The following NRXN1 variants were observed in gnomAD, a reference collection of about 807,000 sequenced individuals.
NRXN1 encodes neurexin-1.
Under a neutral mutation model 150.9 loss-of-function variants are expected in NRXN1, and 39 were observed. The ratio of observed to expected loss-of-function variants is 0.26; its 90% confidence interval spans 0.20 to 0.34. The LOEUF is 0.34. NRXN1 is among the 10% of genes least tolerant of loss of function. The pLI is 1.00. For synonymous variants in NRXN1, 924 were observed against 757.0 expected, an observed-to-expected ratio of 1.22 and a Z score of -3.62; for missense variants, 1,815 against 1,949.9, an observed-to-expected ratio of 0.93 and a Z score of 1.30.
intron 2 of NRXN1, among the ~76,000 whole-genome samples, chr2:51,022,847 G>A (rs566123465): frequency 6.6e-6 from 1 of 152,152 alleles, no homozygotes; most frequent in Admixed American, 6.5e-5. Flanking sequence ...ACATGTACTT[G>A]GGGGTATACT....
At chr2:50,385,399 T>C (rs1397774711) in intron 17 of NRXN1, among the ~76,000 whole-genome samples, 1 of 152,192 alleles carries the variant, frequency 6.6e-6, no homozygotes, top group Admixed American at 6.5e-5. Context: ...CTCAAATGAC[T>C]TCCTTAATTC....
intron 17 of NRXN1, among the ~76,000 whole-genome samples, chr2:50,398,777 T>C (rs1485906883): frequency 6.6e-6 from 1 of 152,108 alleles, no homozygotes; most frequent in African/African-American, 2.4e-5. Context: ...CCTCATGTGT[T>C]TTCTATTGTC....
chr2:50,364,659 A>T (rs1427185678), intron 17 of NRXN1, among the ~76,000 whole-genome samples: 3 of 152,012 alleles, frequency 2.0e-5, no homozygotes, highest in Non-Finnish European at 4.4e-5. Context: ...TGCTCCTTTC[A>T]ACTATTATTT....
chr2:50,335,726 C>T (rs1225572921), intron 17 of NRXN1, among the ~76,000 whole-genome samples: 3 of 152,144 alleles, frequency 2.0e-5, no homozygotes, highest in Non-Finnish European at 4.4e-5. Context: ...TTGTTAACAT[C>T]GTGTTGTCCT....
At chr2:50,278,270 ATGTAT>A (rs1558437200) in intron 17 of NRXN1, among the ~76,000 whole-genome samples, 3 of 88,092 alleles carry the variant, frequency 3.4e-5, no homozygotes, top group East Asian at 2.4e-4. Flanking sequence ...TATATTATAT[ATGTAT>A]TATATATATA....
intron 5 of NRXN1, among the ~76,000 whole-genome samples, chr2:50,735,048 G>A (rs1319000779): frequency 6.6e-6 from 1 of 152,064 alleles, no homozygotes; most frequent in Non-Finnish European, 1.5e-5. Flanking sequence ...ATCTCCACTT[G>A]GCTGTTAGAG....
chr2:49,968,716 T>C (rs1165249557), intron 21 of NRXN1, among the ~76,000 whole-genome samples: 1 of 152,066 alleles, frequency 6.6e-6, no homozygotes, highest in Non-Finnish European at 1.5e-5. Flanking sequence ...CACATTAAAC[T>C]CTCCTTTCTC....
chr2:50,318,836 T>C (rs2075811074), intron 17 of NRXN1, among the ~76,000 whole-genome samples: 1 of 152,106 alleles, frequency 6.6e-6, no homozygotes, highest in South Asian at 2.1e-4. Context: ...AAGAGGGGCA[T>C]ACACAGTGCT....
chr2:50,107,537 A>ATT (rs1362667904), intron 18 of NRXN1, among the ~76,000 whole-genome samples: 1 of 122,136 alleles, frequency 8.2e-6, no homozygotes, highest in African/African-American at 3.1e-5. Flanking sequence ...ATATATATAT[A>ATT]TATTTTTTTT....
chr2:50,830,967 C>T (rs976492566), intron 5 of NRXN1, among the ~76,000 whole-genome samples: 1 of 151,894 alleles, frequency 6.6e-6, no homozygotes, highest in Non-Finnish European at 1.5e-5. Context: ...TTTTTGTGGG[C>T]ATATAGTAGG....
intron 8 of NRXN1, among the ~76,000 whole-genome samples, chr2:50,573,741 A>AG (rs1670998291): frequency 8.4e-6 from 1 of 119,264 alleles, no homozygotes; most frequent in Non-Finnish European, 1.8e-5. Context: ...AAGATATTTG[A>AG]AAATAATAAT....
At chr2:50,213,543 C>T (rs1418532974) in intron 18 of NRXN1, among the ~76,000 whole-genome samples, 1 of 151,792 alleles carries the variant, frequency 6.6e-6, no homozygotes, top group Non-Finnish European at 1.5e-5. Context: ...TTTCGTTAGT[C>T]CAGGCAGCCC....
At chr2:50,610,781 TAC>T (rs895062938) in intron 8 of NRXN1, among the ~76,000 whole-genome samples, 24 of 145,220 alleles carry the variant, frequency 1.7e-4, no homozygotes, top group African/African-American at 5.3e-4. Flanking sequence ...TGTATATATA[TAC>T]ACACACACAT....
At chr2:50,666,873 ATGATGATGTGTGTG>A in intron 5 of NRXN1, among the ~76,000 whole-genome samples, 1 of 78,112 alleles carries the variant, frequency 1.3e-5, no homozygotes, top group East Asian at 6.6e-4. Flanking sequence ...GATGATGATG[ATGATGATGTGTGTG>A]TGTGTGTGTG....
chr2:50,260,375 G>A (rs778227625), intron 17 of NRXN1, among the ~76,000 whole-genome samples: 3 of 151,776 alleles, frequency 2.0e-5, no homozygotes, highest in Non-Finnish European at 4.4e-5. Flanking sequence ...TATAAATGGT[G>A]CCACCTTAAC....
At chr2:50,788,034 G>C (rs1442345804) in intron 5 of NRXN1, among the ~76,000 whole-genome samples, 1 of 151,726 alleles carries the variant, frequency 6.6e-6, no homozygotes, top group Non-Finnish European at 1.5e-5. Flanking sequence ...AATATGAGAA[G>C]GTAAATACGG....
At chr2:50,138,903 T>C (rs1327788819) in intron 18 of NRXN1, among the ~76,000 whole-genome samples, 2 of 152,222 alleles carry the variant, frequency 1.3e-5, no homozygotes, top group Non-Finnish European at 2.9e-5. Context: ...AAACCCTGAT[T>C]TGAATAGTTC....
chr2:50,065,315 A>G (rs960792958), intron 19 of NRXN1, among the ~76,000 whole-genome samples: 2 of 152,142 alleles, frequency 1.3e-5, no homozygotes, highest in Non-Finnish European at 2.9e-5. Flanking sequence ...AGAAAGAGGG[A>G]CCATTTGAAT....
At chr2:49,957,433 G>C (rs1410930246) in intron 21 of NRXN1, among the ~76,000 whole-genome samples, 1 of 152,014 alleles carries the variant, frequency 6.6e-6, no homozygotes, top group Admixed American at 6.6e-5. Context: ...ACCGCAATAT[G>C]GAAATTAAAC....
Sources: gnomAD v4.1 joint callset for allele counts (sites outside exome capture counted in the v4.1 genomes callset) on GRCh38, gnomAD v4.1.1 for gene constraint, MANE v1.5 for transcripts, NCBI Gene and HGNC (gene_info 2026-07-23, HGNC 2026-07-21) for gene names.